The following CPNE1 variants were observed in gnomAD, a reference collection of about 807,000 sequenced individuals.
CPNE1 encodes the protein copine-1.
A neutral mutation model predicts 63.2 loss-of-function variants in CPNE1; 58 were observed. The ratio of observed to expected loss-of-function variants is 0.92; its 90% confidence interval spans 0.74 to 1.14. CPNE1 has a LOEUF of 1.14. CPNE1 is among the 50% of genes most tolerant of loss of function. The pLI, the probability that CPNE1 is intolerant of heterozygous loss-of-function variation, is 0.00. For missense variants in CPNE1, 672 were observed against 661.7 expected (o/e 1.02, Z -0.17); for synonymous variants, 237 against 249.0 (o/e 0.95, Z 0.45).
At chr20:35,641,677 C>G (rs1228588084) in intron 1 of CPNE1, among the ~76,000 whole-genome samples, 1 of 152,192 alleles carries the variant, frequency 6.6e-6, no homozygotes, top group African/African-American at 2.4e-5. Flanking sequence ...ATATGCTCCC[C>G]TTTTCATGAT....
chr20:35,652,737 G>A, intron 1 of CPNE1: 1 of 1,613,676 alleles, frequency 6.2e-7, no homozygotes, highest in Non-Finnish European at 8.5e-7. Flanking sequence ...TAAAGGGCAT[G>A]TTTTGCACTT....
At position 35,631,706 on chromosome 20, in the gene CPNE1, G is replaced by T. The variant is rs2032156161; in HGVS notation, c.609C>A (p.Asn203Lys). 6.2e-6 allele frequency: 10 copies of T among 1,613,898 alleles called. No homozygotes were observed. Among genetic ancestry groups the T allele is most frequent in the Non-Finnish European group, 8.5e-6 (10 of 1,179,928 alleles). ...TCCTCACCTGGATGGGTGTGCTGGGGTTCCCACCACAGAAATGCTGAACGG... is the reference window on the plus strand; with the variant it reads ...TCCTCACCTGGATGGGTGTGCTGGGTTTCCCACCACAGAAATGCTGAACGG... ...SVPVQHFCGG[N>K]PSTPIQVQCS... The change falls in exon 7 of 16, where the codon AAC becomes AAA. Residue 203 changes from asparagine (N) to lysine (K), a missense_variant. Asn to Lys is a moderately conservative substitution (Grantham distance 94). Transcript: ENST00000397443.
At chr20:35,655,463 G>T in intron 1 of CPNE1, 1 of 815,804 alleles carries the variant, frequency 1.2e-6, no homozygotes, top group Non-Finnish European at 1.9e-6. Flanking sequence ...GCTATCACAG[G>T]CAATGTCTTT....
At chr20:35,634,034 G>C (rs901144692) in intron 1 of CPNE1, among the ~76,000 whole-genome samples, 1 of 151,262 alleles carries the variant, frequency 6.6e-6, no homozygotes, top group African/African-American at 2.4e-5. Context: ...GGCCAAGGTG[G>C]GTGGATCACG....
At chr20:35,659,186 C>T (rs2034091526) in intron 1 of CPNE1, among the ~76,000 whole-genome samples, 1 of 151,422 alleles carries the variant, frequency 6.6e-6, no homozygotes, top group Non-Finnish European at 1.5e-5. Context: ...CCCACACATG[C>T]TTTTTAGTTG....
chr20:35,659,143 A>AG, intron 1 of CPNE1: 1 of 434,316 alleles, frequency 2.3e-6, no homozygotes, highest in East Asian at 3.5e-5. Context: ...CATATCAAAA[A>AG]AAAAAAAAAA....
In CPNE1 at chr20:35,627,003, C is replaced by T. The variant is rs1321005989; in HGVS notation, c.1237-200G>A. 3 of 624,960 alleles carry T rather than the reference C, an allele frequency of 4.8e-6. No homozygotes were observed. The African/African-American group carries it at 5.5e-5, about 12-fold the overall frequency. 38.7% of individuals were successfully genotyped at this position (624,960 alleles called of 1,614,324 possible). A position where few individuals can be genotyped will look rare whatever the true frequency, so the allele number is the denominator to read the frequency against. ...AGGAGTTTGTGACCACCCCAGCCAACATGGTGAAAGCCCGTCTCTACTAAA... is the reference window on the plus strand; with the variant it reads ...AGGAGTTTGTGACCACCCCAGCCAATATGGTGAAAGCCCGTCTCTACTAAA... On this transcript the variant is annotated intron_variant, in intron 14 of 15. Coordinates refer to ENST00000397443, the MANE Select transcript of CPNE1 (RefSeq NM_152925.3).
intron 1 of CPNE1, chr20:35,654,665 C>T (rs1406697744): frequency 1.2e-6 from 2 of 1,613,432 alleles, no homozygotes; most frequent in South Asian, 1.1e-5. Flanking sequence ...ACAGGAGGCA[C>T]AGGAGGCAAT....
At chr20:35,644,061 A>G (rs572857579) in intron 1 of CPNE1, among the ~76,000 whole-genome samples, 5 of 151,524 alleles carry the variant, frequency 3.3e-5, no homozygotes, top group Non-Finnish European at 5.9e-5. Flanking sequence ...CCCACCTGTA[A>G]AGTAGGGATG....
chr20:35,655,190 T>C, intron 1 of CPNE1: 2 of 1,614,164 alleles, frequency 1.2e-6, no homozygotes, highest in East Asian at 2.2e-5. Context: ...GCAAAAACGA[T>C]GAAAGCCTCA....
chr20:35,635,145 T>C (rs1458170140), intron 1 of CPNE1, among the ~76,000 whole-genome samples: 2 of 152,056 alleles, frequency 1.3e-5, no homozygotes, highest in African/African-American at 4.8e-5. Context: ...CACAAGTCTT[T>C]ACTCAAAATA....
intron 13 of CPNE1, 32 bp from the exon 14 acceptor site, chr20:35,627,445 C>G: frequency 6.2e-7 from 1 of 1,611,268 alleles, no homozygotes; most frequent in Non-Finnish European, 8.5e-7. Flanking sequence ...ACCGTAAAAT[C>G]CTGGACCTCT....
At chr20:35,655,688 G>A (rs17092937) in intron 1 of CPNE1, among the ~76,000 whole-genome samples, 6,810 of 152,122 alleles carry the variant, frequency 0.045, 169 homozygotes, top group African/African-American at 0.078. Flanking sequence ...GTCAAATCAG[G>A]AAACAAAGTT....
intron 13 of CPNE1, 80 bp downstream of exon 13, chr20:35,630,359 C>T: frequency 9.3e-7 from 1 of 1,074,386 alleles, no homozygotes; most frequent in Admixed American, 2.1e-5. Context: ...AGGTATCTGC[C>T]CCCACTCTCC....
chr20:35,659,082 C>T, intron 1 of CPNE1: 3 of 628,882 alleles, frequency 4.8e-6, no homozygotes, highest in Non-Finnish European at 8.8e-6. Context: ...ACAGGCCACA[C>T]TGTACATTAC....
chr20:35,645,592 T>A (rs759654259), intron 1 of CPNE1, among the ~76,000 whole-genome samples: 2 of 152,238 alleles, frequency 1.3e-5, no homozygotes, highest in Admixed American at 1.3e-4. Context: ...GATACAGCTA[T>A]GGCTAAGCTG....
intron 1 of CPNE1, among the ~76,000 whole-genome samples, chr20:35,646,933 A>G (rs187851698): frequency 3.9e-5 from 6 of 152,326 alleles, no homozygotes; most frequent in Admixed American, 2.0e-4. Flanking sequence ...TGGGGAGCCA[A>G]TTCCAATGCT....
intron 1 of CPNE1, chr20:35,652,008 G>C (rs1258951733): frequency 2.6e-5 from 4 of 152,712 alleles, no homozygotes; most frequent in Non-Finnish European, 5.9e-5. Flanking sequence ...AAGCAATAAA[G>C]GTACATACAA....
chr20:35,659,138 CAAAA>C (rs370328377), intron 1 of CPNE1: 761 of 270,580 alleles, frequency 2.8e-3, no homozygotes, highest in Middle Eastern at 4.7e-3. Flanking sequence ...GAATGCATAT[CAAAA>C]AAAAAAAAAA....
Sources: allele counts gnomAD v4.1 joint callset (sites outside exome capture counted in the v4.1 genomes callset), GRCh38; gene constraint gnomAD v4.1.1; transcripts MANE v1.5; gene names NCBI Gene and HGNC (gene_info 2026-07-23, HGNC 2026-07-21).